Variants in CSMD1 observed in about 807,000 individuals in gnomAD.
CSMD1 encodes the protein CUB and sushi domain-containing protein 1.
A neutral mutation model predicts 417.5 loss-of-function variants in CSMD1; 213 were observed. The ratio of observed to expected loss-of-function variants is 0.51; its 90% CI spans 0.46 to 0.57. The LOEUF is 0.57. Ranked by LOEUF, CSMD1 falls within the 20% of genes least tolerant of loss-of-function variation. The probability of loss-of-function intolerance (pLI) is 0.00; values close to 1 mark genes in which losing one functional copy is unlikely to be tolerated. For missense variants in CSMD1, 6,923 were observed against 4,529.7 expected, an observed-to-expected ratio of 1.53 and a Z score of -15.17; for synonymous variants, 2,862 against 1,736.8, an observed-to-expected ratio of 1.65 and a Z score of -16.11.
At chr8:3,048,071 T>C (rs1811574948) in intron 50 of CSMD1, among the ~76,000 whole-genome samples, 1 of 152,192 alleles carries the variant, frequency 6.6e-6, no homozygotes, top group Admixed American at 6.5e-5. Flanking sequence ...CAATAAAATT[T>C]CACTGAGATG....
chr8:3,014,220 T>C (rs1262664893), intron 52 of CSMD1, among the ~76,000 whole-genome samples: 1 of 151,968 alleles, frequency 6.6e-6, no homozygotes, highest in Non-Finnish European at 1.5e-5. Flanking sequence ...TTCTGAATAG[T>C]ACTTATGAAT....
At chr8:3,055,047 A>C (rs141150676) in intron 49 of CSMD1, among the ~76,000 whole-genome samples, 2 of 151,874 alleles carry the variant, frequency 1.3e-5, no homozygotes, top group African/African-American at 4.8e-5. Context: ...TTTTTCTCCC[A>C]CTCGCTGGCT....
At chr8:3,831,553 T>C (rs1178218864) in intron 5 of CSMD1, among the ~76,000 whole-genome samples, 2 of 152,178 alleles carry the variant, frequency 1.3e-5, no homozygotes, top group Non-Finnish European at 2.9e-5. Context: ...TGTTTTCATA[T>C]GCCTCTGTGC....
intron 5 of CSMD1, among the ~76,000 whole-genome samples, chr8:3,768,493 C>A (rs1028270002): frequency 6.6e-6 from 1 of 151,950 alleles, no homozygotes. Context: ...CTAGTTTATG[C>A]CATAAACAAG....
At chr8:3,494,673 T>C (rs1250204921) in intron 10 of CSMD1, among the ~76,000 whole-genome samples, 1 of 130,508 alleles carries the variant, frequency 7.7e-6, no homozygotes, top group Non-Finnish European at 1.7e-5. Flanking sequence ...TGACAGACGA[T>C]ACACAGATAC....
chr8:4,908,141 A>G (rs1805423193), intron 1 of CSMD1, among the ~76,000 whole-genome samples: 1 of 152,114 alleles, frequency 6.6e-6, no homozygotes, highest in Non-Finnish European at 1.5e-5. Context: ...ACAGAATTCT[A>G]GGTAGTTGTA....
chr8:4,015,202 T>G (rs1009007953), intron 4 of CSMD1, among the ~76,000 whole-genome samples: 13 of 152,218 alleles, frequency 8.5e-5, no homozygotes, highest in Non-Finnish European at 1.3e-4. Flanking sequence ...TTTCTTGTCC[T>G]GACGTGACAG....
intron 1 of CSMD1, among the ~76,000 whole-genome samples, chr8:4,864,462 C>G (rs1802310641): frequency 6.6e-6 from 1 of 151,826 alleles, no homozygotes; most frequent in African/African-American, 2.4e-5. Context: ...CTTCAATAGA[C>G]AAAAATCATT....
At chr8:3,258,763 A>G (rs1038618207) in intron 26 of CSMD1, among the ~76,000 whole-genome samples, 7 of 152,252 alleles carry the variant, frequency 4.6e-5, no homozygotes, top group Non-Finnish European at 8.8e-5. Context: ...ATGCAGCTTT[A>G]AAAAAGAATG....
At chr8:3,471,753 G>T (rs528094566) in intron 11 of CSMD1, among the ~76,000 whole-genome samples, 2 of 147,736 alleles carry the variant, frequency 1.4e-5, no homozygotes, top group Non-Finnish European at 3.0e-5. Context: ...TAAGATAAGT[G>T]AATATATAAA....
chr8:3,113,193 T>C (rs142780009), intron 42 of CSMD1: 23 of 152,268 alleles, frequency 1.5e-4, no homozygotes, highest in Admixed American at 1.2e-3. Context: ...GCACAGCAGG[T>C]ACCTCCCAGC....
intron 5 of CSMD1, among the ~76,000 whole-genome samples, chr8:3,944,287 C>G (rs1811081253): frequency 1.3e-5 from 2 of 152,174 alleles, no homozygotes; most frequent in East Asian, 1.9e-4. Context: ...GAAATCAAAC[C>G]TGTCAGTTTG....
At chr8:4,172,688 T>G (rs139592461) in intron 3 of CSMD1, among the ~76,000 whole-genome samples, 7 of 152,278 alleles carry the variant, frequency 4.6e-5, no homozygotes, top group African/African-American at 1.4e-4. Context: ...TCACACATAT[T>G]CATTAGAATA....
At chr8:3,864,561 G>A (rs1804951957) in intron 5 of CSMD1, among the ~76,000 whole-genome samples, 1 of 152,162 alleles carries the variant, frequency 6.6e-6, no homozygotes, top group South Asian at 2.1e-4. Flanking sequence ...TTGGTGTACT[G>A]CACCCATTAA....
At chr8:3,219,219 A>C (rs1304600197) in intron 29 of CSMD1, 36 bp downstream of exon 29, 1 of 1,532,384 alleles carries the variant, frequency 6.5e-7, no homozygotes, top group South Asian at 1.2e-5. Context: ...TCCTGATACA[A>C]ATTAATTCCC....
At chr8:4,865,920 C>T (rs114252970) in intron 1 of CSMD1, among the ~76,000 whole-genome samples, 1,713 of 151,992 alleles carry the variant, frequency 0.011, 43 homozygotes, top group African/African-American at 0.039. Flanking sequence ...GAGGAGCTTT[C>T]ATCTTCCTGT....
intron 3 of CSMD1, among the ~76,000 whole-genome samples, chr8:4,175,172 T>C (rs962267112): frequency 1.3e-5 from 2 of 151,914 alleles, no homozygotes; most frequent in Non-Finnish European, 2.9e-5. Context: ...TGTTGAAAAG[T>C]GATTTTTAAT....
chr8:3,406,002 G>A (rs766171720), intron 15 of CSMD1, 25 bp downstream of exon 15: 3 of 1,606,822 alleles, frequency 1.9e-6, no homozygotes, highest in Non-Finnish European at 2.6e-6. Flanking sequence ...CAAAGGAGAA[G>A]AGCGGGGGGT....
intron 6 of CSMD1, among the ~76,000 whole-genome samples, chr8:3,751,280 T>A (rs556742144): frequency 6.7e-6 from 1 of 148,392 alleles, no homozygotes; most frequent in Non-Finnish European, 1.5e-5. Context: ...GACTCCTCTC[T>A]CCTTATATAT....
Sources: gnomAD v4.1 joint callset for allele counts (sites outside exome capture counted in the v4.1 genomes callset) on GRCh38, gnomAD v4.1.1 for gene constraint, MANE v1.5 for transcripts, NCBI Gene and HGNC (gene_info 2026-07-23, HGNC 2026-07-21) for gene names.